Variants in FBXO11 observed in about 807,000 individuals in gnomAD.
The protein encoded by FBXO11 is F-box only protein 11.
Under a neutral mutation model 117.0 loss-of-function variants are expected in FBXO11, and 13 were observed. That is an observed-to-expected ratio of 0.11 (90% CI 0.07 to 0.18). FBXO11 has a LOEUF of 0.18. Among genes scored for constraint, FBXO11 ranks in the 10% least tolerant of loss-of-function variants. FBXO11 has a pLI of 1.00. For missense variants in FBXO11, 767 were observed against 1,164.4 expected (o/e 0.66, Z 4.97); for synonymous variants, 490 against 380.5 (o/e 1.29, Z -3.35).
intron 1 of FBXO11, among the ~76,000 whole-genome samples, chr2:47,860,793 C>T (rs1674707314): frequency 6.8e-6 from 1 of 147,114 alleles, no homozygotes; most frequent in Admixed American, 6.9e-5. Flanking sequence ...CATAGAATAA[C>T]TGTGTTCCAC....
At chr2:47,817,129 A>T (rs1290226976) in intron 16 of FBXO11, among the ~76,000 whole-genome samples, 1 of 152,236 alleles carries the variant, frequency 6.6e-6, no homozygotes, top group African/African-American at 2.4e-5. Flanking sequence ...ATCTTCTGGG[A>T]TAACTTTCTG....
chr2:47,816,905 A>T (rs1671042656), intron 16 of FBXO11, among the ~76,000 whole-genome samples: 1 of 152,254 alleles, frequency 6.6e-6, no homozygotes, highest in African/African-American at 2.4e-5. Flanking sequence ...TAAGGGCCCT[A>T]GGGTTTTCAT....
chr2:47,893,513 G>T (rs1245771696), intron 1 of FBXO11, among the ~76,000 whole-genome samples: 1 of 152,098 alleles, frequency 6.6e-6, no homozygotes, highest in African/African-American at 2.4e-5. Flanking sequence ...ATTTCTACTT[G>T]TTAGAAGAAA....
At chr2:47,835,645 G>A (rs1875406) in intron 5 of FBXO11, among the ~76,000 whole-genome samples, 20,351 of 151,954 alleles carry the variant, frequency 0.13, 1,930 homozygotes, top group East Asian at 0.35. Flanking sequence ...CTACAGGTGT[G>A]CGCCACCATG....
At chr2:47,857,852 C>G (rs1674432207) in intron 1 of FBXO11, among the ~76,000 whole-genome samples, 1 of 152,046 alleles carries the variant, frequency 6.6e-6, no homozygotes, top group Non-Finnish European at 1.5e-5. Context: ...TACAAGACAG[C>G]CTTTGCAGCT....
At chr2:47,831,003 T>A (rs757001957) in intron 11 of FBXO11, among the ~76,000 whole-genome samples, 26 of 152,042 alleles carry the variant, frequency 1.7e-4, no homozygotes, top group Non-Finnish European at 3.2e-4. Context: ...TTCACCATGT[T>A]GTCCAGGCTG....
intron 13 of FBXO11, among the ~76,000 whole-genome samples, chr2:47,821,230 G>A (rs1671355216): frequency 6.6e-6 from 1 of 152,120 alleles, no homozygotes; most frequent in Non-Finnish European, 1.5e-5. Flanking sequence ...CCAGCAATCT[G>A]GGAGGCTGAG....
intron 1 of FBXO11, among the ~76,000 whole-genome samples, chr2:47,883,261 TC>T (rs1282540107): frequency 6.6e-6 from 1 of 152,190 alleles, no homozygotes; most frequent in African/African-American, 2.4e-5. Context: ...TTACATAGAT[TC>T]CTGGGAGTGG....
At chr2:47,871,148 T>C (rs1157673435) in intron 1 of FBXO11, among the ~76,000 whole-genome samples, 1 of 152,144 alleles carries the variant, frequency 6.6e-6, no homozygotes, top group Non-Finnish European at 1.5e-5. Context: ...GGAGAGTAGG[T>C]GATAAAAGAC....
In FBXO11 at chr2:47,905,868, G is replaced by T; in HGVS notation, c.-148C>A. The stretch of plus-strand genomic sequence containing the variant: ...GGAAGGGGAGACGCTGAGGGCGGAG[G>T]GGGCGAGCGGGACCCCGAGTCCGGA... On this transcript the variant is annotated 5_prime_UTR_variant, in exon 1 of 23. Coordinates refer to ENST00000403359, the MANE Select transcript of FBXO11 (RefSeq NM_001190274.2). 1.3e-6 allele frequency: 1 copy of T among 756,822 alleles called. No homozygotes were observed. The highest frequency in any genetic ancestry group is 1.9e-6 in the Non-Finnish European group (1 of 514,818). The allele number at this position is 756,822 out of a possible 1,614,324, so 46.9% of individuals were successfully genotyped here. A position where few individuals can be genotyped will look rare whatever the true frequency, so the allele number is the denominator to read the frequency against.
chr2:47,905,402 C>CCCCGCCCGCCCG (rs545418712), intron 1 of FBXO11, 87 bp downstream of exon 1: 1 of 1,090,072 alleles, frequency 9.2e-7, no homozygotes, highest in Non-Finnish European at 1.1e-6. Flanking sequence ...CGCAGGCCGC[C>CCCCGCCCGCCCG]CCCGCCCGCC....
At chr2:47,868,317 CTA>C (rs964901850) in intron 1 of FBXO11, among the ~76,000 whole-genome samples, 6 of 148,392 alleles carry the variant, frequency 4.0e-5, no homozygotes, top group African/African-American at 1.2e-4. Flanking sequence ...GGAATCAAGA[CTA>C]TGTGAAATCT....
intron 1 of FBXO11, among the ~76,000 whole-genome samples, chr2:47,885,713 T>TAG (rs1676781374): frequency 6.6e-6 from 1 of 152,186 alleles, no homozygotes; most frequent in Non-Finnish European, 1.5e-5. Flanking sequence ...AGAGAGTGCC[T>TAG]AGTTCCTCTT....
rs201043620 is a variant in FBXO11, at chr2:47,876,916, A to AT, written c.232+28572dup. Among the ~76,000 whole-genome samples the AT allele has an allele frequency of 2.4e-3, 358 of 147,696 alleles. 1 individual carries two copies. The highest frequency in any genetic ancestry group is 7.8e-3 in the African/African-American group (314 of 40,352). ...GGTTTGAATCTCTCGATCTATATTC[A>AT]TTTTTTTTTTTCCACTTCTCTCTTA... On this transcript the variant is annotated intron_variant, in intron 1 of 22. Transcript: ENST00000403359.
chr2:47,863,371 T>C (rs1232915125), intron 1 of FBXO11, among the ~76,000 whole-genome samples: 1 of 152,222 alleles, frequency 6.6e-6, no homozygotes, highest in African/African-American at 2.4e-5. Flanking sequence ...AAATATACTT[T>C]AATGTCTACA....
At chr2:47,856,710 AT>A (rs920002718) in intron 1 of FBXO11, among the ~76,000 whole-genome samples, 31 of 152,348 alleles carry the variant, frequency 2.0e-4, no homozygotes, top group African/African-American at 7.0e-4. Flanking sequence ...TAAGGTGAAC[AT>A]TTACTTTTTA....
chr2:47,856,012 G>A (rs576715469), intron 1 of FBXO11, among the ~76,000 whole-genome samples: 1 of 152,334 alleles, frequency 6.6e-6, no homozygotes, highest in South Asian at 2.1e-4. Context: ...TCAGGAGGCT[G>A]AGGCAGGAGG....
intron 1 of FBXO11, among the ~76,000 whole-genome samples, chr2:47,861,493 A>G (rs566152244): frequency 1.3e-4 from 19 of 151,834 alleles, no homozygotes; most frequent in Non-Finnish European, 2.5e-4. Context: ...TAATTAAAAA[A>G]ATTTTTTTTG....
At position 47,873,654 on chromosome 2, in the gene FBXO11, G is replaced by A. The variant is rs191597065; in HGVS notation, c.232+31835C>T. Among the ~76,000 whole-genome samples, 309 of 152,194 alleles carry A rather than the reference G, an allele frequency of 2.0e-3. 2 individuals are homozygous for A. The highest frequency in any genetic ancestry group is 6.9e-3 in the African/African-American group (287 of 41,518). On this transcript the variant is annotated intron_variant, in intron 1 of 22. Transcript: ENST00000403359. ...ATTTCTTGTAGCTTCCATACCTGCCGGCTGTTTCAACTTTATTGGGTACAC... is the reference window on the plus strand; with the variant it reads ...ATTTCTTGTAGCTTCCATACCTGCCAGCTGTTTCAACTTTATTGGGTACAC...
Sources: allele counts gnomAD v4.1 joint callset (sites outside exome capture counted in the v4.1 genomes callset), GRCh38; gene constraint gnomAD v4.1.1; transcripts MANE v1.5; gene names NCBI Gene and HGNC (gene_info 2026-07-23, HGNC 2026-07-21).